Variants in LRFN5 observed in about 807,000 individuals in gnomAD.
The protein encoded by LRFN5 is leucine-rich repeat and fibronectin type-III domain-containing protein 5.
Under a neutral mutation model 45.6 loss-of-function variants are expected in LRFN5, and 24 were observed. The observed-to-expected ratio is 0.53, with a 90% CI of 0.38 to 0.74. The LOEUF (loss-of-function observed/expected upper bound fraction) is 0.74, where lower values mean the gene tolerates loss of function less well. LRFN5 is among the 30% of genes least tolerant of loss of function. The pLI is 0.00. For synonymous variants in LRFN5, 340 were observed against 313.8 expected (o/e 1.08, Z -0.88); for missense variants, 776 against 861.5 (o/e 0.90, Z 1.24).
chr14:41,880,183 T>A (rs1008866051), intron 2 of LRFN5, among the ~76,000 whole-genome samples: 1 of 152,044 alleles, frequency 6.6e-6, no homozygotes, highest in Non-Finnish European at 1.5e-5. Context: ...CGCCTTGGCC[T>A]CCCAAAGTGC....
At chr14:41,802,319 TA>T (rs1370614687) in intron 2 of LRFN5, among the ~76,000 whole-genome samples, 1 of 152,124 alleles carries the variant, frequency 6.6e-6, no homozygotes, top group African/African-American at 2.4e-5. Context: ...GGAAAATTAC[TA>T]AGAGAAAACA....
chr14:41,653,303 C>T (rs1192706880), intron 1 of LRFN5, among the ~76,000 whole-genome samples: 1 of 152,068 alleles, frequency 6.6e-6, no homozygotes, highest in African/African-American at 2.4e-5. Flanking sequence ...TTGGGTTTTA[C>T]ATTTAAGTCT....
intron 4 of LRFN5, chr14:41,892,728 A>G: frequency 1.0e-6 from 1 of 985,344 alleles, no homozygotes; most frequent in Non-Finnish European, 1.2e-6. Context: ...AATGGTTGTA[A>G]GATATTTCTC....
chr14:41,717,513 C>A (rs989746398), intron 1 of LRFN5, among the ~76,000 whole-genome samples: 1 of 152,160 alleles, frequency 6.6e-6, no homozygotes, highest in Non-Finnish European at 1.5e-5. Flanking sequence ...AGGAGGGTTA[C>A]GAAACTTGGA....
intron 1 of LRFN5, among the ~76,000 whole-genome samples, chr14:41,646,774 A>C (rs566771793): frequency 1.0e-3 from 153 of 152,320 alleles, no homozygotes; most frequent in African/African-American, 3.4e-3. Context: ...CTTTCCTCAC[A>C]AAGCTCTGTT....
intron 1 of LRFN5, among the ~76,000 whole-genome samples, chr14:41,626,204 A>G (rs564120411): frequency 3.3e-4 from 50 of 152,236 alleles, no homozygotes; most frequent in Non-Finnish European, 6.2e-4. Flanking sequence ...GATTATTATT[A>G]TAGGTCAAAT....
At chr14:41,727,679 C>T (rs1883994552) in intron 1 of LRFN5, among the ~76,000 whole-genome samples, 2 of 151,852 alleles carry the variant, frequency 1.3e-5, no homozygotes, top group Non-Finnish European at 2.9e-5. Context: ...CATCATCAAG[C>T]AGCATGTATA....
chr14:41,830,746 A>G (rs1888450042), intron 2 of LRFN5, among the ~76,000 whole-genome samples: 1 of 152,062 alleles, frequency 6.6e-6, no homozygotes, highest in South Asian at 2.1e-4. Context: ...AAGTTGATAG[A>G]GATGTGTGTG....
intron 1 of LRFN5, among the ~76,000 whole-genome samples, chr14:41,750,833 A>G (rs1885100679): frequency 1.3e-5 from 2 of 151,766 alleles, no homozygotes; most frequent in Admixed American, 1.3e-4. Context: ...TTTAAAAATT[A>G]TTATTATACC....
At chr14:41,689,259 A>G (rs955265380) in intron 1 of LRFN5, among the ~76,000 whole-genome samples, 1 of 152,172 alleles carries the variant, frequency 6.6e-6, no homozygotes, top group African/African-American at 2.4e-5. Flanking sequence ...AAAGCAAAGT[A>G]TAAATAAATG....
At chr14:41,762,156 C>A (rs1321538367) in intron 1 of LRFN5, among the ~76,000 whole-genome samples, 1 of 149,048 alleles carries the variant, frequency 6.7e-6, no homozygotes, top group African/African-American at 2.5e-5. Context: ...AAAAAAAAAC[C>A]TTCACCTAAG....
At chr14:41,673,991 G>A (rs1239156923) in intron 1 of LRFN5, among the ~76,000 whole-genome samples, 2 of 142,992 alleles carry the variant, frequency 1.4e-5, no homozygotes, top group South Asian at 2.3e-4. Flanking sequence ...GCCGGGCGGA[G>A]ACGCTGCTCA....
intron 2 of LRFN5, among the ~76,000 whole-genome samples, chr14:41,853,712 A>G (rs778454206): frequency 1.3e-5 from 2 of 152,120 alleles, no homozygotes; most frequent in African/African-American, 2.4e-5. Flanking sequence ...ATAACATTAT[A>G]GGAATTATTT....
At chr14:41,821,298 T>C (rs576050868) in intron 2 of LRFN5, among the ~76,000 whole-genome samples, 2 of 152,086 alleles carry the variant, frequency 1.3e-5, no homozygotes, top group East Asian at 3.9e-4. Context: ...TCCTAGTTTG[T>C]TGAAAGTTTT....
intron 1 of LRFN5, among the ~76,000 whole-genome samples, chr14:41,635,683 A>G (rs1879269273): frequency 6.6e-6 from 1 of 152,138 alleles, no homozygotes; most frequent in Non-Finnish European, 1.5e-5. Context: ...AAGGGCAGGT[A>G]TTTTAGAATA....
intron 2 of LRFN5, among the ~76,000 whole-genome samples, chr14:41,780,469 C>T (rs1378605849): frequency 2.6e-5 from 4 of 152,078 alleles, no homozygotes; most frequent in African/African-American, 9.6e-5. Flanking sequence ...GCTCTGAAGT[C>T]GGCTTTGTCT....
intron 1 of LRFN5, among the ~76,000 whole-genome samples, chr14:41,764,356 G>GGT (rs1409866210): frequency 1.3e-5 from 2 of 152,032 alleles, no homozygotes; most frequent in African/African-American, 4.8e-5. Flanking sequence ...ATTCTTAAGA[G>GGT]AATTTTTTTA....
At chr14:41,752,281 G>C (rs1023527283) in intron 1 of LRFN5, among the ~76,000 whole-genome samples, 6 of 152,134 alleles carry the variant, frequency 3.9e-5, no homozygotes, top group Admixed American at 6.6e-5. Context: ...TATATATCCA[G>C]TAATAGGATG....
At chr14:41,834,636 T>C (rs1362564225) in intron 2 of LRFN5, among the ~76,000 whole-genome samples, 4 of 152,060 alleles carry the variant, frequency 2.6e-5, no homozygotes, top group African/African-American at 9.7e-5. Context: ...TATTTGTGGG[T>C]GGATTTTTTT....
Sources: gnomAD v4.1 joint callset for allele counts (sites outside exome capture counted in the v4.1 genomes callset) on GRCh38, gnomAD v4.1.1 for gene constraint, MANE v1.5 for transcripts, NCBI Gene and HGNC (gene_info 2026-07-23, HGNC 2026-07-21) for gene names.